The following ATRX variants were observed in gnomAD, a reference collection of about 807,000 sequenced individuals.
The protein encoded by ATRX is chromatin remodeler ATRX.
Under a neutral mutation model 172.6 loss-of-function variants are expected in ATRX, and 12 were observed. That is an observed-to-expected ratio of 0.07 (90% CI 0.04 to 0.11). The LOEUF (loss-of-function observed/expected upper bound fraction) is 0.11, where lower values mean the gene tolerates loss of function less well. Among genes scored for constraint, ATRX ranks in the 10% least tolerant of loss-of-function variants. The probability of loss-of-function intolerance (pLI) is 1.00; values close to 1 mark genes in which losing one functional copy is unlikely to be tolerated. For missense variants in ATRX, 1,368 were observed against 1,767.4 expected (o/e 0.77, Z 4.05); for synonymous variants, 674 against 594.7 (o/e 1.13, Z -1.94).
chrX:77,584,921 T>C (rs1277355067), intron 27 of ATRX, among the ~76,000 whole-genome samples: 10 of 111,225 alleles, frequency 9.0e-5, no homozygotes, highest in African/African-American at 3.3e-4. Context: ...GACAAGCGAT[T>C]AATAACCGGA....
chrX:77,776,437 CAGTTCCTCAATAATGT>C (rs1371944953), intron 1 of ATRX, among the ~76,000 whole-genome samples: 1 of 111,823 alleles, frequency 8.9e-6, no homozygotes, highest in Admixed American at 9.5e-5. Context: ...GATAATTAGT[CAGTTCCTCAATAATGT>C]AACATATGGG....
chrX:77,686,175 T>C lies in ATRX; in HGVS notation c.595-1169A>G, dbSNP rs1053250229. ...ACTACAGTCAATAGCAACTTAATTG[T>C]ACATTTTTAAATAACTTAAAGAATG... is the stretch of plus-strand genomic sequence containing the variant. On this transcript the variant is annotated intron_variant, in intron 7 of 34. Coordinates refer to ENST00000373344, the MANE Select transcript of ATRX (RefSeq NM_000489.6). 2.7e-5 allele frequency among the ~76,000 whole-genome samples: 3 copies of C among 112,306 alleles called. No homozygotes were observed. The South Asian group carries it at 1.1e-3, about 41-fold the overall frequency.
intron 1 of ATRX, among the ~76,000 whole-genome samples, chrX:77,734,558 G>A (rs1314609263): frequency 3.6e-5 from 4 of 110,946 alleles, no homozygotes; most frequent in African/African-American, 1.3e-4. Context: ...AGGCCAAGGC[G>A]GAAGGATCAC....
rs2064850147 is a variant in ATRX, at chrX:77,557,532, T to C, written c.6618A>G (p.Glu2206=). 8.3e-7 allele frequency: 1 copy of C among 1,209,753 alleles called. No homozygotes were observed. Among genetic ancestry groups the C allele is most frequent in the South Asian group, 1.8e-5 (1 of 56,670 alleles). ...ATAAGTCTGGCTCAAAAGTATAAAGTTCAGTAAGCTCATTCATAGTAAAAT... is the reference window on the plus strand; with the variant it reads ...ATAAGTCTGGCTCAAAAGTATAAAGCTCAGTAAGCTCATTCATAGTAAAAT... ...ERHFTMNELT[E]LYTFEPDLLD... Residue 2206 remains glutamate (E), a synonymous_variant, in exon 30 of 35, where the codon GAA becomes GAG. Coordinates refer to ENST00000373344, the MANE Select transcript of ATRX (RefSeq NM_000489.6).
At chrX:77,765,043 T>C (rs781855519) in intron 1 of ATRX, among the ~76,000 whole-genome samples, 1 of 110,729 alleles carries the variant, frequency 9.0e-6, no homozygotes, top group South Asian at 3.9e-4. Context: ...GGTGGGTGCC[T>C]GTAATCCCAG....
rs187514450 is a variant in ATRX, at chrX:77,611,660, G to A, written c.5566+4953C>T. Among the ~76,000 whole-genome samples the A allele has an allele frequency of 8.2e-4, 91 of 110,830 alleles. 1 individual carries two copies. The highest frequency in any genetic ancestry group is 2.9e-3 in the African/African-American group (87 of 30,517). ...TCACTTGAGCCCAGAAGTTCAAGAC[G>A]AGCCTGGGCAACATAGCAAGACCCC... On this transcript the variant is annotated intron_variant, in intron 22 of 34. Transcript: ENST00000373344.
At chrX:77,525,323 T>G (rs942912306) in intron 30 of ATRX, among the ~76,000 whole-genome samples, 7 of 112,052 alleles carry the variant, frequency 6.2e-5, no homozygotes, top group African/African-American at 2.3e-4. Flanking sequence ...CCAATCTGCA[T>G]TAATTTATTC....
intron 15 of ATRX, among the ~76,000 whole-genome samples, chrX:77,645,705 T>C (rs782537783): frequency 8.9e-6 from 1 of 112,392 alleles, no homozygotes; most frequent in East Asian, 2.8e-4. Context: ...CTTTTTACTT[T>C]CTTTAGGATT....
chrX:77,663,611 G>A lies in ATRX; in HGVS notation c.3944-53C>T, dbSNP rs782360559. 108 of 1,067,750 alleles carry A rather than the reference G, an allele frequency of 1.0e-4. 1 individual carries two copies. In the East Asian group the frequency reaches 2.3e-3, roughly 23 times the overall value. The allele number at this position is 1,067,750 out of a possible 1,213,427, so 88.0% of individuals were successfully genotyped here. A position where few individuals can be genotyped will look rare whatever the true frequency, so the allele number is the denominator to read the frequency against. On this transcript the variant is annotated intron_variant, in intron 11 of 34. Coordinates refer to ENST00000373344, the MANE Select transcript of ATRX (RefSeq NM_000489.6). ...CCTTCTTCAGCCTTTAAAATGCCTC[G>A]TATATCTATTTTGCCTGTTGACAAC...
intron 2 of ATRX, among the ~76,000 whole-genome samples, chrX:77,712,307 A>C (rs192140836): frequency 8.9e-6 from 1 of 112,243 alleles, no homozygotes; most frequent in Non-Finnish European, 1.9e-5. Flanking sequence ...CCCAGAATTT[A>C]CAATTGGTAT....
intron 7 of ATRX, 30 bp downstream of exon 7, chrX:77,688,788 G>A (rs782153876): frequency 2.8e-6 from 3 of 1,088,598 alleles, no homozygotes; most frequent in South Asian, 1.8e-5. Flanking sequence ...AAATATTTAC[G>A]GTATGAAATA....
intron 1 of ATRX, 100 bp from the exon 2 acceptor site, chrX:77,717,343 C>A: frequency 1.6e-6 from 1 of 639,692 alleles, no homozygotes; most frequent in South Asian, 2.4e-5. Flanking sequence ...TACTGTAAGT[C>A]GTGTAAGAGT....
intron 34 of ATRX, among the ~76,000 whole-genome samples, chrX:77,514,546 C>A (rs1472645440): frequency 3.6e-5 from 4 of 112,064 alleles, no homozygotes; most frequent in Non-Finnish European, 7.5e-5. Flanking sequence ...GGGTAATTGG[C>A]TAGCCACAGG....
At chrX:77,642,695 CA>C (rs2068715338) in intron 15 of ATRX, among the ~76,000 whole-genome samples, 1 of 107,529 alleles carries the variant, frequency 9.3e-6, no homozygotes, top group African/African-American at 3.4e-5. Context: ...TAGATATCAA[CA>C]AAACAATAGA....
intron 19 of ATRX, among the ~76,000 whole-genome samples, chrX:77,629,729 T>C (rs960054032): frequency 1.8e-5 from 2 of 111,546 alleles, no homozygotes; most frequent in Non-Finnish European, 1.9e-5. Flanking sequence ...AAGACACCTA[T>C]TAGAAATCCA....
Position 77,696,637 on chromosome X carries a change from T to C in ATRX, c.310A>G (p.Asn104Asp). ...GAATTTTCATTAGACGCATCTTCAT[T>C]TACAGTTTCATCATCCAAAGGTTTT... ...DEKPLDDETV[N>D]EDASNENSEN... The change falls in exon 5 of 35, where the codon AAT becomes GAT. Residue 104 changes from asparagine to aspartate, a missense_variant. Transcript: ENST00000373344. 1 of 1,201,624 alleles carries C rather than the reference T, an allele frequency of 8.3e-7. No homozygotes were observed. Among genetic ancestry groups the C allele is most frequent in the East Asian group, 3.0e-5 (1 of 33,783 alleles).
chrX:77,679,838 C>T (rs949304778), intron 9 of ATRX, among the ~76,000 whole-genome samples: 6 of 111,915 alleles, frequency 5.4e-5, no homozygotes, highest in Non-Finnish European at 1.1e-4. Context: ...TTTTTAAACA[C>T]AATTTATTAT....
chrX:77,766,423 A>T (rs782242801), intron 1 of ATRX, among the ~76,000 whole-genome samples: 5 of 108,768 alleles, frequency 4.6e-5, no homozygotes, highest in African/African-American at 6.7e-5. Flanking sequence ...CACTTCTCAG[A>T]CGGGGCGGCT....
At chrX:77,750,129 C>T (rs1349999305) in intron 1 of ATRX, among the ~76,000 whole-genome samples, 2 of 111,717 alleles carry the variant, frequency 1.8e-5, no homozygotes, top group African/African-American at 6.5e-5. Context: ...AATTTTATTA[C>T]AGTATATTGT....
Sources: gnomAD v4.1 joint callset for allele counts (sites outside exome capture counted in the v4.1 genomes callset) on GRCh38, gnomAD v4.1.1 for gene constraint, MANE v1.5 for transcripts, NCBI Gene and HGNC (gene_info 2026-07-23, HGNC 2026-07-21) for gene names.